The following FLVCR2 variants were observed in gnomAD, a reference collection of about 807,000 sequenced individuals.
FLVCR2 encodes choline/ethanolamine transporter FLVCR2.
FLVCR2 carries 38 observed loss-of-function variants against 48.9 expected under a neutral mutation model. The ratio of observed to expected loss-of-function variants is 0.78; its 90% CI spans 0.60 to 1.02. The LOEUF is 1.02. FLVCR2 is among the 50% of genes least tolerant of loss of function. The pLI is 0.00. For synonymous variants in FLVCR2, 255 were observed against 257.0 expected (o/e 0.99, Z 0.07); for missense variants, 664 against 663.3 (o/e 1.00, Z -0.01).
chr14:75,625,879 G>A (rs1889889610), intron 3 of FLVCR2, among the ~76,000 whole-genome samples: 1 of 152,012 alleles, frequency 6.6e-6, no homozygotes, highest in South Asian at 2.1e-4. Flanking sequence ...TTTAACAGAT[G>A]AGGAAACTAA....
intron 1 of FLVCR2, among the ~76,000 whole-genome samples, chr14:75,603,978 A>G (rs1820313709): frequency 6.6e-6 from 1 of 152,214 alleles, no homozygotes; most frequent in African/African-American, 2.4e-5. Flanking sequence ...GGGCAAATTA[A>G]CAAGTTTTCA....
intron 3 of FLVCR2, chr14:75,631,797 A>C (rs1386938816): frequency 2.2e-6 from 1 of 455,906 alleles, no homozygotes; most frequent in Admixed American, 2.4e-5. Flanking sequence ...GGATCTCTTC[A>C]CTCGGAAATG....
At chr14:75,643,598 T>C (rs1009880521) in intron 9 of FLVCR2, among the ~76,000 whole-genome samples, 71 of 152,352 alleles carry the variant, frequency 4.7e-4, no homozygotes, top group African/African-American at 1.5e-3. Context: ...TCTTTTGCTA[T>C]TACGTTCTAG....
Position 75,578,754 on chromosome 14 carries a change from G to A in FLVCR2, c.-219G>A. 1.7e-6 allele frequency: 1 copy of A among 602,524 alleles called. No individual in the cohort carries two copies. The highest frequency in any genetic ancestry group is 2.0e-5 in the South Asian group (1 of 49,876). 37.3% of individuals were successfully genotyped at this position (602,524 alleles called of 1,614,324 possible). On this transcript the variant is annotated 5_prime_UTR_variant, in exon 1 of 10. Transcript: ENST00000238667. The stretch of plus-strand genomic sequence containing the variant: ...TGCGGCCGGCCTTGGGACAGCGATC[G>A]CCGCGGGTGGCAACAGAGAGCCCCA...
chr14:75,598,456 A>G (rs1314164153), intron 1 of FLVCR2, among the ~76,000 whole-genome samples: 3 of 151,788 alleles, frequency 2.0e-5, no homozygotes, highest in African/African-American at 7.3e-5. Context: ...TTTTCTCTAT[A>G]ACCTAATCTT....
At position 75,579,551 on chromosome 14, in the gene FLVCR2, C is replaced by T. The variant is rs1334326472; in HGVS notation, c.579C>T (p.Phe193=). The T allele has an allele frequency of 6.2e-7, 1 of 1,613,926 alleles. No homozygotes were observed. The highest frequency in any genetic ancestry group is 1.3e-5 in the African/African-American group (1 of 75,056). Residue 193 remains phenylalanine (F), a synonymous_variant, in exon 1 of 10, where the codon TTC becomes TTT. Transcript: ENST00000238667. The part of the protein sequence containing the change: ...GQLICSVAQV[F]ILGMPSRIAS... Reference sequence around the variant, plus strand: ...TCATCTGCTCTGTGGCCCAGGTTTTCATCCTGGGCATGCCCTCCCGCATCG... The same window carrying T: ...TCATCTGCTCTGTGGCCCAGGTTTTTATCCTGGGCATGCCCTCCCGCATCG...
At chr14:75,601,387 T>G (rs1889163366) in intron 1 of FLVCR2, among the ~76,000 whole-genome samples, 1 of 152,250 alleles carries the variant, frequency 6.6e-6, no homozygotes, top group African/African-American at 2.4e-5. Flanking sequence ...TGGCCAGTTT[T>G]GGGGCCAGTT....
chr14:75,626,084 C>T (rs1290043298), intron 3 of FLVCR2, among the ~76,000 whole-genome samples: 1 of 152,136 alleles, frequency 6.6e-6, no homozygotes, highest in Non-Finnish European at 1.5e-5. Context: ...CTCTGCCTCC[C>T]CGGCTCAAGC....
In FLVCR2 at chr14:75,592,616, C is replaced by T. The variant is rs186835951; in HGVS notation, c.669+12975C>T. Reference sequence around the variant, plus strand: ...TTAATGCTCTGCTTCTTACACATTTCACCTTTAGGTCACTCCTTTGCTGTG... The same window carrying T: ...TTAATGCTCTGCTTCTTACACATTTTACCTTTAGGTCACTCCTTTGCTGTG... On this transcript the variant is annotated intron_variant, in intron 1 of 9. Transcript: ENST00000238667. Among the ~76,000 whole-genome samples the T allele has an allele frequency of 3.3e-5, 5 of 152,336 alleles. No individual in the cohort carries two copies. In the East Asian group the frequency reaches 9.6e-4, roughly 29 times the overall value.
intron 1 of FLVCR2, among the ~76,000 whole-genome samples, chr14:75,587,343 G>T (rs559824701): frequency 6.6e-6 from 1 of 152,270 alleles, no homozygotes; most frequent in African/African-American, 2.4e-5. Context: ...AGAAAAGGCA[G>T]ATTCTGAGGA....
rs1253316032 is a variant in FLVCR2 at position 75,646,537 on chromosome 14, C to A, written c.*65C>A. The stretch of plus-strand genomic sequence containing the variant: ...CCTTTTCCTTCAGCACAGCTCTCAC[C>A]GCCAGCACAAAGGGCTTCGCTAGAG... On this transcript the variant is annotated 3_prime_UTR_variant, in exon 10 of 10. Coordinates refer to ENST00000238667, the MANE Select transcript of FLVCR2 (RefSeq NM_017791.3). 1 of 1,181,812 alleles carries A rather than the reference C, an allele frequency of 8.5e-7. No individual in the cohort carries two copies. The highest frequency in any genetic ancestry group is 2.4e-5 in the East Asian group (1 of 42,524). 73.2% of individuals were successfully genotyped at this position (1,181,812 alleles called of 1,614,324 possible). A position where few individuals can be genotyped will look rare whatever the true frequency, so the allele number is the denominator to read the frequency against.
chr14:75,607,538 C>A (rs139139621), intron 1 of FLVCR2, among the ~76,000 whole-genome samples: 1 of 152,094 alleles, frequency 6.6e-6, no homozygotes, highest in Admixed American at 6.6e-5. Context: ...GGGAATGGAA[C>A]CTCAGAAGTC....
intron 1 of FLVCR2, among the ~76,000 whole-genome samples, chr14:75,588,984 A>G (rs1471718342): frequency 6.6e-6 from 1 of 152,300 alleles, no homozygotes; most frequent in South Asian, 2.1e-4. Flanking sequence ...GGCACCGTTC[A>G]TGATGAGGCA....
chr14:75,635,163 A>G, intron 5 of FLVCR2, 150 bp downstream of exon 5: 1 of 695,478 alleles, frequency 1.4e-6, no homozygotes, highest in Non-Finnish European at 2.6e-6. Context: ...CACTTTCCTC[A>G]TTTATCAAAT....
chr14:75,615,782 G>A (rs991415140), intron 1 of FLVCR2, among the ~76,000 whole-genome samples: 1 of 151,370 alleles, frequency 6.6e-6, no homozygotes, highest in African/African-American at 2.4e-5. Context: ...CATTTTGGGA[G>A]GCCGAGGCGG....
At chr14:75,621,473 T>C (rs929506542) in intron 1 of FLVCR2, among the ~76,000 whole-genome samples, 2 of 152,010 alleles carry the variant, frequency 1.3e-5, no homozygotes, top group African/African-American at 2.4e-5. Context: ...TGTGTGTTTA[T>C]AGCCATTTTT....
intron 1 of FLVCR2, among the ~76,000 whole-genome samples, chr14:75,602,905 C>T (rs2140019189): frequency 1.3e-5 from 2 of 152,346 alleles, no homozygotes; most frequent in South Asian, 4.1e-4. Context: ...CTAGCTGGAA[C>T]CCCTGTTCCC....
chr14:75,633,788 TC>T lies in FLVCR2; in HGVS notation c.1020+98del, dbSNP rs562124005. The T allele has an allele frequency of 1.9e-3, 1,807 of 960,606 alleles. 8 individuals carry two copies. Among genetic ancestry groups the T allele is most frequent in the Non-Finnish European group, 2.1e-3 (1,246 of 588,442 alleles). 59.5% of individuals were successfully genotyped at this position (960,606 alleles called of 1,614,324 possible). ...CCTGGGATGACCGTTAAGTCTTCAT[TC>T]CCCCCAGTTCTAGGTAGGGTGATAT... On this transcript the variant is annotated intron_variant, in intron 4 of 9. Transcript: ENST00000238667.
chr14:75,609,486 G>A (rs1456819948), intron 1 of FLVCR2, among the ~76,000 whole-genome samples: 1 of 152,176 alleles, frequency 6.6e-6, no homozygotes, highest in Admixed American at 6.5e-5. Flanking sequence ...GTAAGCTTGA[G>A]ATTTCTTTTT....
Sources: allele counts gnomAD v4.1 joint callset (sites outside exome capture counted in the v4.1 genomes callset), GRCh38; gene constraint gnomAD v4.1.1; transcripts MANE v1.5; gene names NCBI Gene and HGNC (gene_info 2026-07-23, HGNC 2026-07-21).